The following ASIC2 variants were observed in gnomAD, a reference collection of about 807,000 sequenced individuals.
ASIC2 encodes the protein acid sensing ion channel subunit 2.
In ASIC2, 25 loss-of-function variants were observed where a neutral mutation model predicts 57.3. The observed-to-expected ratio is 0.44, with a 90% confidence interval of 0.32 to 0.61. The LOEUF is 0.61. ASIC2 is among the 20% of genes least tolerant of loss of function. The pLI, the probability that ASIC2 is intolerant of heterozygous loss-of-function variation, is 0.06. For missense variants in ASIC2, 641 were observed against 738.1 expected (o/e 0.87, Z 1.52); for synonymous variants, 319 against 307.5 (o/e 1.04, Z -0.39).
At position 33,034,059 on chromosome 17, in the gene ASIC2, C is replaced by T. The variant is rs189178743; in HGVS notation, c.988-5667G>A. Among the ~76,000 whole-genome samples the T allele has an allele frequency of 1.3e-3, 201 of 152,272 alleles. 2 individuals are homozygous for T. The highest frequency in any genetic ancestry group is 7.5e-3 in the Admixed American group (115 of 15,308). ...GAGATGGCCTGCCAGCAGAGAGGAG[C>T]TACCCTCCAGGGCCTCCTCGCTGCT... On this transcript the variant is annotated intron_variant, in intron 3 of 9. Transcript: ENST00000225823.
At chr17:33,532,599 T>C (rs1441205801) in intron 1 of ASIC2, among the ~76,000 whole-genome samples, 1 of 152,230 alleles carries the variant, frequency 6.6e-6, no homozygotes, top group Non-Finnish European at 1.5e-5. Context: ...GGCTTGGAGC[T>C]GGCAGGTGCT....
chr17:33,147,149 G>A (rs964228087), intron 1 of ASIC2, among the ~76,000 whole-genome samples: 3 of 152,186 alleles, frequency 2.0e-5, no homozygotes, highest in Admixed American at 2.0e-4. Context: ...TAGATGGCAG[G>A]AGTGCTATTA....
intron 1 of ASIC2, among the ~76,000 whole-genome samples, chr17:33,686,396 G>A (rs1908193529): frequency 1.3e-5 from 2 of 152,158 alleles, no homozygotes; most frequent in African/African-American, 4.8e-5. Flanking sequence ...CTGGGGTGGA[G>A]TGGAACACCA....
chr17:33,225,843 G>C (rs1907859170), intron 1 of ASIC2, among the ~76,000 whole-genome samples: 1 of 152,194 alleles, frequency 6.6e-6, no homozygotes. Flanking sequence ...CACCAAAGGA[G>C]GCCATGGAAG....
chr17:33,953,099 T>C (rs1363019561), intron 1 of ASIC2, among the ~76,000 whole-genome samples: 3 of 152,174 alleles, frequency 2.0e-5, no homozygotes, highest in Non-Finnish European at 4.4e-5. Context: ...AACAAAACTA[T>C]ATATTTGTAT....
intron 1 of ASIC2, among the ~76,000 whole-genome samples, chr17:33,774,165 G>A (rs1339985430): frequency 6.6e-6 from 1 of 152,182 alleles, no homozygotes; most frequent in African/African-American, 2.4e-5. Flanking sequence ...CAGGAGTTAG[G>A]AAATCTGCTC....
At chr17:33,847,962 T>G (rs35312780) in intron 1 of ASIC2, among the ~76,000 whole-genome samples, 3,830 of 152,094 alleles carry the variant, frequency 0.025, 179 homozygotes, top group African/African-American at 0.088. Context: ...CTCCAGGCAC[T>G]TTGGGAAGTG....
chr17:34,037,785 G>A (rs941975638), intron 1 of ASIC2: 28 of 1,614,046 alleles, frequency 1.7e-5, no homozygotes, highest in Middle Eastern at 1.7e-4. Context: ...AAGCATCGTC[G>A]AATCAACGCC....
chr17:34,008,846 T>C (rs959951653), intron 1 of ASIC2, among the ~76,000 whole-genome samples: 1 of 152,208 alleles, frequency 6.6e-6, no homozygotes, highest in Non-Finnish European at 1.5e-5. Context: ...AGAGAACATG[T>C]GCATTTGTTT....
chr17:33,429,675 C>A (rs977266334), intron 1 of ASIC2, among the ~76,000 whole-genome samples: 1 of 152,098 alleles, frequency 6.6e-6, no homozygotes, highest in Admixed American at 6.5e-5. Context: ...GAGGTATGAG[C>A]CACCGCCCCC....
intron 1 of ASIC2, among the ~76,000 whole-genome samples, chr17:34,093,458 A>G (rs1567818065): frequency 1.3e-5 from 2 of 152,230 alleles, no homozygotes; most frequent in South Asian, 2.1e-4. Flanking sequence ...ACAAAGTCCT[A>G]TGTGACTTGC....
At chr17:33,218,638 G>A (rs115168305) in intron 1 of ASIC2, among the ~76,000 whole-genome samples, 3,447 of 151,982 alleles carry the variant, frequency 0.023, 126 homozygotes, top group African/African-American at 0.079. Flanking sequence ...CGGGGTGGGG[G>A]TGGGAGCAGG....
chr17:33,765,061 A>G (rs1290387977), intron 1 of ASIC2, among the ~76,000 whole-genome samples: 1 of 152,184 alleles, frequency 6.6e-6, no homozygotes, highest in African/African-American at 2.4e-5. Context: ...AGCAGCAGTC[A>G]AAACTAACTG....
At chr17:33,064,268 G>A (rs1400080349) in intron 3 of ASIC2, among the ~76,000 whole-genome samples, 1 of 152,176 alleles carries the variant, frequency 6.6e-6, no homozygotes, top group Non-Finnish European at 1.5e-5. Context: ...TTTCTGCTCT[G>A]TTTTTTCCCC....
chr17:34,154,525 C>G (rs1904640968), intron 1 of ASIC2, among the ~76,000 whole-genome samples: 2 of 152,142 alleles, frequency 1.3e-5, no homozygotes, highest in African/African-American at 4.8e-5. Flanking sequence ...GGCAATGCCC[C>G]CGGCACTCTG....
At chr17:34,021,880 C>T (rs1383494888) in intron 1 of ASIC2, among the ~76,000 whole-genome samples, 7 of 149,618 alleles carry the variant, frequency 4.7e-5, no homozygotes, top group African/African-American at 1.5e-4. Flanking sequence ...CTCTGTCACC[C>T]GGGCTGGAGT....
At chr17:33,105,984 G>T (rs2092232975) in intron 2 of ASIC2, among the ~76,000 whole-genome samples, 2 of 152,156 alleles carry the variant, frequency 1.3e-5, no homozygotes, top group Admixed American at 6.5e-5. Context: ...GAAGAGTAGG[G>T]GTGAGGGTGG....
intron 1 of ASIC2, among the ~76,000 whole-genome samples, chr17:33,624,354 C>T (rs1032228580): frequency 1.3e-5 from 2 of 152,070 alleles, no homozygotes; most frequent in East Asian, 3.9e-4. Context: ...CCATGTCTGT[C>T]GGGAGGTCAC....
In ASIC2 at chr17:33,291,440, C is replaced by T. The variant is rs1211699972; in HGVS notation, c.676G>A (p.Gly226Ser). The change falls in exon 1 of 10, where the codon GGC becomes AGC. Residue 226 changes from glycine (G) to serine (S), a missense_variant. Coordinates refer to ENST00000225823, the MANE Select transcript of ASIC2 (RefSeq NM_183377.2). ...EDMLLSCKYR[G>S]ELCGPHNFSS... ...AAGTTGTGCGGCCCGCAGAGCTCGC[C>T]GCGGTACTTGCAGGAGAGCAGCATG... 3 of 1,606,932 alleles carry T rather than the reference C, an allele frequency of 1.9e-6. No homozygotes were observed. The highest frequency in any genetic ancestry group is 1.3e-5 in the African/African-American group (1 of 74,770).
Sources: allele counts gnomAD v4.1 joint callset (sites outside exome capture counted in the v4.1 genomes callset), GRCh38; gene constraint gnomAD v4.1.1; transcripts MANE v1.5; gene names NCBI Gene and HGNC (gene_info 2026-07-23, HGNC 2026-07-21).